The following ZNF536 variants were observed in gnomAD, a reference collection of about 807,000 sequenced individuals.
ZNF536 encodes zinc finger protein 536.
Under a neutral mutation model 84.5 loss-of-function variants are expected in ZNF536, and 13 were observed. The observed-to-expected ratio is 0.15, with a 90% CI of 0.10 to 0.24. The LOEUF (loss-of-function observed/expected upper bound fraction) is 0.24, where lower values mean the gene tolerates loss of function less well. ZNF536 is among the 10% of genes least tolerant of loss of function. The pLI, the probability that ZNF536 is intolerant of heterozygous loss-of-function variation, is 1.00. For missense variants in ZNF536, 1,536 were observed against 1,747.5 expected (o/e 0.88, Z 2.16); for synonymous variants, 811 against 742.5 (o/e 1.09, Z -1.50).
At chr19:30,291,158 G>C (rs1483133124) in intron 2 of ZNF536, among the ~76,000 whole-genome samples, 2 of 152,178 alleles carry the variant, frequency 1.3e-5, no homozygotes, top group African/African-American at 2.4e-5. Context: ...ATGTGTGCAT[G>C]TGTCTTCATA....
intron 1 of ZNF536, among the ~76,000 whole-genome samples, chr19:30,686,690 A>G (rs1423581374): frequency 6.6e-6 from 1 of 151,966 alleles, no homozygotes; most frequent in Non-Finnish European, 1.5e-5. Context: ...TCTTCATGTC[A>G]TCCGTCAGCA....
intron 1 of ZNF536, among the ~76,000 whole-genome samples, chr19:30,642,549 A>T (rs1398195660): frequency 6.6e-6 from 1 of 152,196 alleles, no homozygotes; most frequent in East Asian, 1.9e-4. Context: ...AGAAGGTAGA[A>T]GGTCAGAGAG....
chr19:30,666,283 C>T (rs940215069), intron 1 of ZNF536, among the ~76,000 whole-genome samples: 1 of 152,214 alleles, frequency 6.6e-6, no homozygotes, highest in African/African-American at 2.4e-5. Flanking sequence ...TGCTTCTCAT[C>T]TTTGATGAGG....
chr19:30,361,104 T>G (rs910919701), intron 3 of ZNF536, among the ~76,000 whole-genome samples: 1 of 152,244 alleles, frequency 6.6e-6, no homozygotes, highest in Admixed American at 6.5e-5. Flanking sequence ...ACAGCACTTA[T>G]ATAGTCTGTC....
At chr19:30,483,044 G>A in intron 2 of ZNF536, among the ~76,000 whole-genome samples, 1 of 152,282 alleles carries the variant, frequency 6.6e-6, no homozygotes, top group East Asian at 1.9e-4. Context: ...GGACAGGGGT[G>A]CCCCATGTTC....
At chr19:30,383,724 TTTC>T in intron 1 of ZNF536, among the ~76,000 whole-genome samples, 1 of 30,502 alleles carries the variant, frequency 3.3e-5, no homozygotes, top group African/African-American at 1.3e-4. Context: ...TCTTTCTTTC[TTTC>T]TTTCTTTCTT....
chr19:30,342,947 A>C (rs1346204800), intron 2 of ZNF536, among the ~76,000 whole-genome samples: 1 of 152,232 alleles, frequency 6.6e-6, no homozygotes, highest in Non-Finnish European at 1.5e-5. Flanking sequence ...TGTCTCAATC[A>C]TGCCTGGCTT....
chr19:30,706,184 G>A (rs1304037429), intron 1 of ZNF536, among the ~76,000 whole-genome samples: 3 of 152,098 alleles, frequency 2.0e-5, no homozygotes, highest in Non-Finnish European at 4.4e-5. Context: ...TGTGACAATC[G>A]AAAGTACAAT....
At chr19:30,465,383 T>C (rs537828674) in intron 2 of ZNF536, among the ~76,000 whole-genome samples, 7 of 152,314 alleles carry the variant, frequency 4.6e-5, no homozygotes, top group African/African-American at 1.7e-4. Flanking sequence ...CTGTAGGATT[T>C]GCATCTCTGA....
At chr19:30,442,419 G>GTACTCAATTT (rs899910843) in intron 1 of ZNF536, among the ~76,000 whole-genome samples, 32 of 152,326 alleles carry the variant, frequency 2.1e-4, no homozygotes, top group African/African-American at 7.2e-4. Context: ...GGTACAATTT[G>GTACTCAATTT]TACTCATTAT....
intron 2 of ZNF536, among the ~76,000 whole-genome samples, chr19:30,519,470 G>A (rs1228870513): frequency 6.6e-6 from 1 of 152,220 alleles, no homozygotes; most frequent in East Asian, 1.9e-4. Context: ...TGGAGGAGCT[G>A]CAGTCTGCAG....
At chr19:30,420,893 A>G (rs2050926857) in intron 1 of ZNF536, among the ~76,000 whole-genome samples, 1 of 152,228 alleles carries the variant, frequency 6.6e-6, no homozygotes, top group African/African-American at 2.4e-5. Flanking sequence ...GGTTCTGAGT[A>G]CAACTAGAAC....
intron 1 of ZNF536, among the ~76,000 whole-genome samples, chr19:30,615,000 G>T (rs1377962465): frequency 9.8e-6 from 1 of 102,560 alleles, no homozygotes; most frequent in Non-Finnish European, 1.9e-5. Flanking sequence ...AGGCTGGAGT[G>T]CAGTGGCGCG....
chr19:30,283,782 C>T (rs2024297), intron 1 of ZNF536, among the ~76,000 whole-genome samples: 27,696 of 151,706 alleles, frequency 0.18, 2,867 homozygotes, highest in East Asian at 0.5. Context: ...ATATTAGCTC[C>T]TATTTCTTCT....
At chr19:30,657,928 C>T (rs1003341955) in intron 1 of ZNF536, among the ~76,000 whole-genome samples, 5 of 152,258 alleles carry the variant, frequency 3.3e-5, no homozygotes, top group South Asian at 4.1e-4. Context: ...CTTACCCAAA[C>T]GTTTTTACAC....
At chr19:30,439,757 C>T (rs557043047) in intron 1 of ZNF536, among the ~76,000 whole-genome samples, 3 of 152,150 alleles carry the variant, frequency 2.0e-5, no homozygotes, top group South Asian at 2.1e-4. Flanking sequence ...TCCTCTGAAA[C>T]CCTGGGGTCT....
At chr19:30,606,248 AAAAT>A (rs1237019438) in intron 1 of ZNF536, among the ~76,000 whole-genome samples, 3,328 of 55,598 alleles carry the variant, frequency 0.06, 81 homozygotes, top group Middle Eastern at 0.086. Flanking sequence ...AAAATAAAAT[AAAAT>A]AAATAAAATA....
chr19:30,682,798 C>T (rs2051029414), intron 1 of ZNF536, among the ~76,000 whole-genome samples: 1 of 152,174 alleles, frequency 6.6e-6, no homozygotes, highest in Admixed American at 6.5e-5. Context: ...GAGGTGCCCT[C>T]TCCCCGGGAG....
At chr19:30,391,147 G>T (rs1390505320) in intron 1 of ZNF536, among the ~76,000 whole-genome samples, 3 of 152,126 alleles carry the variant, frequency 2.0e-5, no homozygotes, top group African/African-American at 7.2e-5. Context: ...CTCCCAACAC[G>T]GCCAAATCAC....
Sources: allele counts gnomAD v4.1 joint callset (sites outside exome capture counted in the v4.1 genomes callset), GRCh38; gene constraint gnomAD v4.1.1; transcripts MANE v1.5; gene names NCBI Gene and HGNC (gene_info 2026-07-23, HGNC 2026-07-21).